Variants in ZNF180 observed in about 807,000 individuals in gnomAD.
ZNF180 encodes zinc finger protein 180.
A neutral mutation model predicts 11.8 loss-of-function variants in ZNF180; 11 were observed. The ratio of observed to expected loss-of-function variants is 0.93; its 90% CI spans 0.59 to 1.55. ZNF180 has a LOEUF of 1.55. ZNF180 is among the 40% of genes most tolerant of loss of function. ZNF180 has a pLI of 0.00. For synonymous variants in ZNF180, 287 were observed against 257.7 expected (o/e 1.11, Z -1.09); for missense variants, 773 against 781.7 (o/e 0.99, Z 0.13).
Position 44,500,447 on chromosome 19 carries a change from G to T in ZNF180, c.-216C>A, listed in dbSNP as rs1970723574. ...TCTCCTAGTCAGCATCCGCAAGGCC[G>T]CTGGGGGTTAAGTCTGAAGGGCCGA... On this transcript the variant is annotated 5_prime_UTR_variant, in exon 1 of 5. Coordinates refer to ENST00000592529, the MANE Select transcript of ZNF180 (RefSeq NM_001278509.3). 1.7e-6 allele frequency: 1 copy of T among 604,754 alleles called. No individual in the cohort carries two copies. The highest frequency in any genetic ancestry group is 2.9e-6 in the Non-Finnish European group (1 of 342,914). The allele number at this position is 604,754 out of a possible 1,614,324, so 37.5% of individuals were successfully genotyped here. A position where few individuals can be genotyped will look rare whatever the true frequency, so the allele number is the denominator to read the frequency against.
intron 2 of ZNF180, among the ~76,000 whole-genome samples, chr19:44,493,294 C>T (rs1312859994): frequency 6.6e-6 from 1 of 152,196 alleles, no homozygotes; most frequent in Non-Finnish European, 1.5e-5. Context: ...AGAGTTGGCT[C>T]AAGGCCTTCG....
At position 44,479,336 on chromosome 19, in the gene ZNF180, C is replaced by G. The variant is rs1358715073; in HGVS notation, c.200G>C (p.Arg67Thr). Residue 67 changes from arginine to threonine, a missense_variant, in exon 4 of 5, where the codon AGG (arginine) becomes ACG (threonine). Transcript: ENST00000592529. The stretch of plus-strand genomic sequence containing the variant: ...CAGGATCACATCTCTGTCCAGGGTC[C>G]TCTGAGCAGGGTTGCAAGTACCCTG... Reference protein sequence around the residue: ...EEQGTCNPAQRTLDRDVILEN... With the variant: ...EEQGTCNPAQTTLDRDVILEN... 1.2e-6 allele frequency: 2 copies of G among 1,614,044 alleles called. No homozygotes were observed. Among genetic ancestry groups the G allele is most frequent in the Admixed American group, 3.3e-5 (2 of 60,020 alleles).
intron 4 of ZNF180, among the ~76,000 whole-genome samples, chr19:44,478,352 A>C (rs576154519): frequency 1.3e-5 from 2 of 152,224 alleles, no homozygotes; most frequent in African/African-American, 4.8e-5. Context: ...ATTAAAATGG[A>C]ACTATTGTAA....
intron 1 of ZNF180, among the ~76,000 whole-genome samples, chr19:44,498,513 G>A (rs566940334): frequency 6.6e-6 from 1 of 152,186 alleles, no homozygotes; most frequent in Admixed American, 6.5e-5. Flanking sequence ...CATCTTTCGG[G>A]GGCACCTGTG....
chr19:44,488,986 G>A (rs999761553), intron 2 of ZNF180, among the ~76,000 whole-genome samples: 3 of 150,112 alleles, frequency 2.0e-5, no homozygotes, highest in East Asian at 2.0e-4. Flanking sequence ...GAGCCCCTCC[G>A]CCCGGCAGCC....
chr19:44,477,771 T>C lies in ZNF180; in HGVS notation c.629A>G (p.Gln210Arg), dbSNP rs756790402. 1 of 1,614,022 alleles carries C rather than the reference T, an allele frequency of 6.2e-7. No homozygotes were observed. Among genetic ancestry groups the C allele is most frequent in the South Asian group, 1.1e-5 (1 of 91,070 alleles). ...TAGTGTCTCATTCTCATTAATCTTC[T>C]GATGACTGTTTACAGCAGCATTAAG... ...WHLNAAVNSHQKINENETLYE... is the reference protein window; with the variant it reads ...WHLNAAVNSHRKINENETLYE... The change falls in exon 5 of 5, where the codon CAG becomes CGG. Residue 210 changes from glutamine (Q) to arginine (R), a missense_variant. Transcript: ENST00000592529.
Position 44,476,500 on chromosome 19 carries a change from AG to A in ZNF180, c.1899del (p.Phe634LeufsTer35). 1 of 1,614,168 alleles carries A rather than the reference AG, an allele frequency of 6.2e-7. No individual in the cohort carries two copies. Among genetic ancestry groups the A allele is most frequent in the Non-Finnish European group, 8.5e-7 (1 of 1,180,008 alleles). On this transcript the variant is annotated frameshift_variant, in exon 5 of 5. Coordinates refer to ENST00000592529, the MANE Select transcript of ZNF180 (RefSeq NM_001278509.3). LOFTEE classifies it low-confidence loss of function (END_TRUNC). ...VHQRTHTGEK[P>X]FTCIQCGKAF... ...GCTTTTCCACACTGAATACATGTAA[AG>A]GGTTTCTCTCCAGTATGAGTTCTTT...
chr19:44,479,150 G>T, intron 4 of ZNF180, 133 bp downstream of exon 4: 1 of 1,048,038 alleles, frequency 9.5e-7, no homozygotes, highest in Non-Finnish European at 1.4e-6. Flanking sequence ...TCTTCACTGG[G>T]GAATAAAGAG....
In ZNF180 at chr19:44,495,752, C is replaced by T. The variant is rs386809666; in HGVS notation, c.51+1532G>A. Among the ~76,000 whole-genome samples, 7 of 152,244 alleles carry T rather than the reference C, an allele frequency of 4.6e-5. No individual in the cohort carries two copies. The highest frequency in any genetic ancestry group is 2.1e-4 in the South Asian group (1 of 4,824). On this transcript the variant is annotated intron_variant, in intron 2 of 4. Transcript: ENST00000592529. This position sits in a 1 kb window ranked among gnomAD's most constrained non-coding sequence, Gnocchi z 4.5. Reference sequence around the variant, plus strand: ...CATTGGGCTGCACCACGTGCACAAGCGACTTCTTCATTCCACTTGGGCTCT... The same window carrying T: ...CATTGGGCTGCACCACGTGCACAAGTGACTTCTTCATTCCACTTGGGCTCT...
chr19:44,491,365 C>T (rs1227363792), intron 2 of ZNF180, among the ~76,000 whole-genome samples: 2 of 152,200 alleles, frequency 1.3e-5, no homozygotes, highest in South Asian at 2.1e-4. Context: ...CATGTGAGCC[C>T]GTGCATGCAT....
chr19:44,485,698 T>C (rs538361156), intron 2 of ZNF180, among the ~76,000 whole-genome samples: 1 of 152,238 alleles, frequency 6.6e-6, no homozygotes, highest in African/African-American at 2.4e-5. Flanking sequence ...TATTTACAAA[T>C]ACTGCTTTAT....
rs1272121068 is a variant in ZNF180 at position 44,475,780 on chromosome 19, T to C, written c.*622A>G. On this transcript the variant is annotated 3_prime_UTR_variant, in exon 5 of 5. Transcript: ENST00000592529. ...CTTTCTATTCTAATCCATACACAAA[T>C]ATTTTATCATAATGGTTTTAGAAGT... 1.3e-5 allele frequency: 2 copies of C among 152,386 alleles called. No homozygotes were observed. Among genetic ancestry groups the C allele is most frequent in the Admixed American group, 1.3e-4 (2 of 15,304 alleles). 9.4% of individuals were successfully genotyped at this position (152,386 alleles called of 1,614,324 possible). A position where few individuals can be genotyped will look rare whatever the true frequency, so the allele number is the denominator to read the frequency against.
At position 44,495,229 on chromosome 19, in the gene ZNF180, G is replaced by A. The variant is rs1022400817; in HGVS notation, c.51+2055C>T. Among the ~76,000 whole-genome samples the A allele has an allele frequency of 1.9e-4, 29 of 151,886 alleles. No individual in the cohort carries two copies. Among genetic ancestry groups the A allele is most frequent in the Admixed American group, 1.5e-3 (23 of 15,254 alleles). On this transcript the variant is annotated intron_variant, in intron 2 of 4. Coordinates refer to ENST00000592529, the MANE Select transcript of ZNF180 (RefSeq NM_001278509.3). This position sits in a 1 kb window ranked among gnomAD's most constrained non-coding sequence, Gnocchi z 4.5. Reference sequence around the variant, plus strand: ...GTTCCTCTCCCATTTCCACAATGACGCCCTCTCCCTATGGATGCTTTCCCA... The same window carrying A: ...GTTCCTCTCCCATTTCCACAATGACACCCTCTCCCTATGGATGCTTTCCCA...
At chr19:44,486,206 TA>T (rs1269569471) in intron 2 of ZNF180, among the ~76,000 whole-genome samples, 77,766 of 151,952 alleles carry the variant, frequency 0.51, 20,684 homozygotes, top group South Asian at 0.69. Context: ...TGAAGAACAT[TA>T]TACAGAAGAT....
chr19:44,497,335 G>A lies in ZNF180; in HGVS notation c.-1C>T. ...GGGGCTTCTCATCCTGCTCTTCCATGCTCTCCTCCAGGCACAGCAGGGTGC... is the reference window on the plus strand; with the variant it reads ...GGGGCTTCTCATCCTGCTCTTCCATACTCTCCTCCAGGCACAGCAGGGTGC... On this transcript the variant is annotated 5_prime_UTR_variant, in exon 2 of 5. Coordinates refer to ENST00000592529, the MANE Select transcript of ZNF180 (RefSeq NM_001278509.3). 2 of 1,597,698 alleles carry A rather than the reference G, an allele frequency of 1.3e-6. No individual in the cohort carries two copies. The highest frequency in any genetic ancestry group is 1.4e-5 in the African/African-American group (1 of 73,756).
intron 2 of ZNF180, among the ~76,000 whole-genome samples, chr19:44,490,060 G>GAAGGGAAGGGAAAGAGCA (rs1970402839): frequency 7.7e-6 from 1 of 129,332 alleles, no homozygotes; most frequent in Non-Finnish European, 1.7e-5. Flanking sequence ...GGGAAAGAGG[G>GAAGGGAAGGGAAAGAGCA]AAAGGAAGGG....
At chr19:44,481,317 A>G (rs1354403823) in intron 3 of ZNF180, among the ~76,000 whole-genome samples, 1 of 152,188 alleles carries the variant, frequency 6.6e-6, no homozygotes, top group African/African-American at 2.4e-5. Context: ...TCTAAGTTTG[A>G]GCCTAAAAAT....
Position 44,475,824 on chromosome 19 carries a change from CT to C in ZNF180, c.*577del, listed in dbSNP as rs974681319. The C allele has an allele frequency of 1.3e-5, 2 of 152,184 alleles. No homozygotes were observed. Among genetic ancestry groups the C allele is most frequent in the African/African-American group, 4.8e-5 (2 of 41,436 alleles). The allele number at this position is 152,184 out of a possible 1,614,324, so 9.4% of individuals were successfully genotyped here. A position where few individuals can be genotyped will look rare whatever the true frequency, so the allele number is the denominator to read the frequency against. On this transcript the variant is annotated 3_prime_UTR_variant, in exon 5 of 5. Coordinates refer to ENST00000592529, the MANE Select transcript of ZNF180 (RefSeq NM_001278509.3). ...TAGAAGTGAATATTATTTCTATATTCTTTTCCCACACTTTTCACTATATATC... is the reference window on the plus strand; with the variant it reads ...TAGAAGTGAATATTATTTCTATATTCTTTCCCACACTTTTCACTATATATC...
intron 2 of ZNF180, among the ~76,000 whole-genome samples, chr19:44,492,221 T>C (rs1033349382): frequency 2.6e-5 from 4 of 152,244 alleles, no homozygotes; most frequent in Non-Finnish European, 4.4e-5. Context: ...TAGAAAGCAC[T>C]GTGTATTTTT....
Sources: allele counts gnomAD v4.1 joint callset (sites outside exome capture counted in the v4.1 genomes callset), GRCh38; gene constraint gnomAD v4.1.1; non-coding constraint Gnocchi (gnomAD v3.1); transcripts MANE v1.5; gene names NCBI Gene and HGNC (gene_info 2026-07-23, HGNC 2026-07-21).